The following WFIKKN1 variants were observed in gnomAD, a reference collection of about 807,000 sequenced individuals.
WFIKKN1 encodes the protein WAP, Kazal, immunoglobulin, Kunitz and NTR domain-containing protein 1.
A neutral mutation model predicts 4.6 loss-of-function variants in WFIKKN1; 6 were observed. That is an observed-to-expected ratio of 1.31 (90% confidence interval 0.72 to 2.59). WFIKKN1 has a LOEUF of 2.59. Among genes scored for constraint, WFIKKN1 ranks in the 30% most tolerant of loss-of-function variants. The pLI, the probability that WFIKKN1 is intolerant of heterozygous loss-of-function variation, is 0.00. For missense variants in WFIKKN1, 964 were observed against 818.0 expected (o/e 1.18, Z -2.18); for synonymous variants, 468 against 367.4 (o/e 1.27, Z -3.13).
Position 633,078 on chromosome 16 carries a change from G to A in WFIKKN1, c.668G>A (p.Ser223Asn), listed in dbSNP as rs145644880. The A allele has an allele frequency of 5.0e-6, 8 of 1,612,218 alleles. No individual in the cohort carries two copies. Among genetic ancestry groups the A allele is most frequent in the Non-Finnish European group, 6.8e-6 (8 of 1,179,590 alleles). Residue 223 changes from serine (S) to asparagine (N), a missense_variant, in exon 2 of 2, where the codon AGT becomes AAT. Coordinates refer to ENST00000319070, the MANE Select transcript of WFIKKN1 (RefSeq NM_053284.3). ...CCTGCTGTGACCTGGGAGAAGCAGA[G>A]TCACCAGCGAGAGAACCTGATCATG... The part of the protein sequence containing the change: ...PPPAVTWEKQ[S>N]HQRENLIMRP...
rs777949203 is a variant in WFIKKN1 at position 631,234 on chromosome 16, C to T, written c.-20C>T. 2 of 1,542,850 alleles carry T rather than the reference C, an allele frequency of 1.3e-6. No homozygotes were observed. Among genetic ancestry groups the T allele is most frequent in the Admixed American group, 1.9e-5 (1 of 52,548 alleles). ...GGGGCTGGTGGCCACACCCCCCGGC[C>T]CCCTGGCTCGGCGGCCCTCATGCCC... On this transcript the variant is annotated 5_prime_UTR_variant, in exon 1 of 2. Transcript: ENST00000319070.
Position 633,743 on chromosome 16 carries a change from C to T in WFIKKN1, c.1333C>T (p.Leu445=), listed in dbSNP as rs1359922359. ...CATCGTGGGGCGGCTCACGGAGGTG[C>T]TGGAGGAGCCCGAGGCCGCCGGCGG... ...FAIVGRLTEV[L]EEPEAAGGIA... Residue 445 remains leucine (L), a synonymous_variant, in exon 2 of 2, where the codon CTG becomes TTG. Coordinates refer to ENST00000319070, the MANE Select transcript of WFIKKN1 (RefSeq NM_053284.3). The T allele has an allele frequency of 1.9e-6, 3 of 1,591,356 alleles. No individual in the cohort carries two copies. The South Asian group carries it at 3.4e-5, about 18-fold the overall frequency.
chr16:632,416 G>A lies in WFIKKN1; in HGVS notation c.172-166G>A, dbSNP rs553746005. ...AGGTAAGCCAGGTGGCACCTCTGGCGAGGTGGCTCCTCACACAGGATGGAA... is the reference window on the plus strand; with the variant it reads ...AGGTAAGCCAGGTGGCACCTCTGGCAAGGTGGCTCCTCACACAGGATGGAA... On this transcript the variant is annotated intron_variant, in intron 1 of 1. Transcript: ENST00000319070. 1.9e-4 allele frequency: 150 copies of A among 787,942 alleles called. 2 individuals are homozygous for A. In the African/African-American group the frequency reaches 2.4e-3, roughly 13 times the overall value. 48.8% of individuals were successfully genotyped at this position (787,942 alleles called of 1,614,324 possible).
At chr16:631,805 TC>T (rs2036953859) in intron 1 of WFIKKN1, 2 of 43,804 alleles carry the variant, frequency 4.6e-5, no homozygotes, top group Non-Finnish European at 8.9e-5. Context: ...CCCATCCACT[TC>T]TTCCATCCTC....
Position 632,479 on chromosome 16 carries a change from G to A in WFIKKN1, c.172-103G>A, listed in dbSNP as rs369058335. ...CCCCGGGGAGGCAGCCACAGAGCGGGGGGCTCCCTGCTACCCCACCTGGGC... is the reference window on the plus strand; with the variant it reads ...CCCCGGGGAGGCAGCCACAGAGCGGAGGGCTCCCTGCTACCCCACCTGGGC... On this transcript the variant is annotated intron_variant, in intron 1 of 1. Transcript: ENST00000319070. 637 of 1,355,846 alleles carry A rather than the reference G, an allele frequency of 4.7e-4. 14 individuals carry two copies. The South Asian group carries it at 8.5e-3, about 18-fold the overall frequency. The allele number at this position is 1,355,846 out of a possible 1,614,324, so 84.0% of individuals were successfully genotyped here. A position where few individuals can be genotyped will look rare whatever the true frequency, so the allele number is the denominator to read the frequency against.
chr16:631,982 T>C, intron 1 of WFIKKN1: 1 of 133,878 alleles, frequency 7.5e-6, no homozygotes, highest in Non-Finnish European at 1.6e-5. Flanking sequence ...CGTCATTGCC[T>C]CTCCTTCCAT....
rs763791315 is a variant in WFIKKN1, at chr16:633,184, C to T, written c.774C>T (p.Ala258=). Residue 258 remains alanine (A), a synonymous_variant, in exon 2 of 2, where the codon GCC becomes GCT. Coordinates refer to ENST00000319070, the MANE Select transcript of WFIKKN1 (RefSeq NM_053284.3). ...TCTACAACGCGCGGCCCGAAGACGC[C>T]GGCCTGTACACCTGCACCGCGCGCA... ...LVLYNARPED[A]GLYTCTARNA... 35 of 1,595,042 alleles carry T rather than the reference C, an allele frequency of 2.2e-5. No homozygotes were observed. Among genetic ancestry groups the T allele is most frequent in the Admixed American group, 5.1e-5 (3 of 58,484 alleles).
At position 633,554 on chromosome 16, in the gene WFIKKN1, C is replaced by A; in HGVS notation, c.1144C>A (p.Gln382Lys). The A allele has an allele frequency of 6.5e-7, 1 of 1,545,408 alleles. No homozygotes were observed. The highest frequency in any genetic ancestry group is 1.2e-5 in the South Asian group (1 of 82,974). The part of the protein sequence containing the change: ...EPRWAYSPLL[Q>K]QCHPFVYGGC... ...GCGCTGGGCCTACAGCCCGCTGCTG[C>A]AGCAGTGCCATCCCTTCGTGTACGG... The change falls in exon 2 of 2, where the codon CAG becomes AAG. Residue 382 changes from glutamine (Q) to lysine (K), a missense_variant. By Grantham distance (53) the Gln-to-Lys change is moderately conservative. Coordinates refer to ENST00000319070, the MANE Select transcript of WFIKKN1 (RefSeq NM_053284.3).
Position 633,410 on chromosome 16 carries a change from T to C in WFIKKN1, c.1000T>C (p.Cys334Arg). The change falls in exon 2 of 2, where the codon TGT becomes CGT. Residue 334 changes from cysteine to arginine, a missense_variant. Cys to Arg is a radical substitution (Grantham distance 180). Coordinates refer to ENST00000319070, the MANE Select transcript of WFIKKN1 (RefSeq NM_053284.3). ...CTGCATGACCTTCCCGGCCCGTGGC[T>C]GTGATGGGGCGGCCCGCGGCTTTGA... ...GGCMTFPARG[C>R]DGAARGFETY... 6.4e-7 allele frequency: 1 copy of C among 1,554,664 alleles called. No homozygotes were observed. Among genetic ancestry groups the C allele is most frequent in the Non-Finnish European group, 8.6e-7 (1 of 1,159,360 alleles).
Position 631,408 on chromosome 16 carries a change from A to C in WFIKKN1, c.155A>C (p.Glu52Ala), listed in dbSNP as rs762630871. The change falls in exon 1 of 2, where the codon GAG becomes GCG. Residue 52 changes from glutamate (E) to alanine (A), a missense_variant. By Grantham distance (107) the Glu-to-Ala change is moderately radical. Coordinates refer to ENST00000319070, the MANE Select transcript of WFIKKN1 (RefSeq NM_053284.3). The part of the protein sequence containing the change: ...WVDAQSTCER[E>A]CSRDQDCAAA... ...GACGCCCAGAGCACCTGTGAGCGCG[A>C]GTGTAGCAGGGACCAGGTGAGTGTG... is the stretch of plus-strand genomic sequence containing the variant. The C allele has an allele frequency of 1.1e-5, 18 of 1,608,492 alleles. No individual in the cohort carries two copies. Among genetic ancestry groups the C allele is most frequent in the Non-Finnish European group, 1.5e-5 (18 of 1,179,010 alleles).
In WFIKKN1 at chr16:633,540, A is replaced by C; in HGVS notation, c.1130A>C (p.Tyr377Ser). ...PCRGWEPRWA[Y>S]SPLLQQCHPF... ...CGGGGCTGGGAGCCGCGCTGGGCCT[A>C]CAGCCCGCTGCTGCAGCAGTGCCAT... The change falls in exon 2 of 2, where the codon TAC (tyrosine) becomes TCC (serine). Residue 377 changes from tyrosine to serine, a missense_variant. Physicochemically the swap from Tyr to Ser is moderately radical, Grantham distance 144 (BLOSUM62 -2). Coordinates refer to ENST00000319070, the MANE Select transcript of WFIKKN1 (RefSeq NM_053284.3). 6.5e-7 allele frequency: 1 copy of C among 1,529,874 alleles called. No homozygotes were observed. Among genetic ancestry groups the C allele is most frequent in the Non-Finnish European group, 8.7e-7 (1 of 1,147,238 alleles). 94.8% of individuals were successfully genotyped at this position (1,529,874 alleles called of 1,614,324 possible). A position where few individuals can be genotyped will look rare whatever the true frequency, so the allele number is the denominator to read the frequency against.
At position 633,799 on chromosome 16, in the gene WFIKKN1, C is replaced by T. The variant is rs1029790108; in HGVS notation, c.1389C>T (p.Leu463=). ...GIARVALEDV[L]KDDKMGLKFL... ...CCCGCGTGGCGCTCGAGGACGTGCT[C>T]AAGGATGACAAGATGGGCCTCAAGT... Residue 463 remains leucine, a synonymous_variant, in exon 2 of 2, where the codon CTC becomes CTT. Coordinates refer to ENST00000319070, the MANE Select transcript of WFIKKN1 (RefSeq NM_053284.3). The T allele has an allele frequency of 3.7e-6, 6 of 1,602,692 alleles. No individual in the cohort carries two copies.
intron 1 of WFIKKN1, 116 bp from the exon 2 acceptor site, chr16:632,466 A>T: frequency 7.8e-7 from 1 of 1,286,196 alleles, no homozygotes; most frequent in South Asian, 2.0e-5. Context: ...CCGGGGAGGC[A>T]GCCACAGAGC....
chr16:633,886 C>T lies in WFIKKN1; in HGVS notation c.1476C>T (p.Pro492=). The change falls in exon 2 of 2, where the codon CCC becomes CCT. Residue 492 remains proline, a synonymous_variant. Transcript: ENST00000319070. ...GCATGGACTGGGCCTGCCCCTGCCC[C>T]AACATGACGGCGGGCGACGGGCCGC... is the stretch of plus-strand genomic sequence containing the variant. ...LSGMDWACPC[P]NMTAGDGPLV... 1 of 1,596,294 alleles carries T rather than the reference C, an allele frequency of 6.3e-7. No homozygotes were observed. Among genetic ancestry groups the T allele is most frequent in the Non-Finnish European group, 8.5e-7 (1 of 1,172,172 alleles).
In WFIKKN1 at chr16:632,763, A is replaced by C. The variant is rs1205241348; in HGVS notation, c.353A>C (p.Asp118Ala). 1 of 1,608,104 alleles carries C rather than the reference A, an allele frequency of 6.2e-7. No homozygotes were observed. The change falls in exon 2 of 2, where the codon GAC (aspartate) becomes GCC (alanine). Residue 118 changes from aspartate to alanine, a missense_variant. Physicochemically the swap from Asp to Ala is moderately radical, Grantham distance 126 (BLOSUM62 -2). Coordinates refer to ENST00000319070, the MANE Select transcript of WFIKKN1 (RefSeq NM_053284.3). ...WDGQPVCRCR[D>A]RCEKEPSFTC... Reference sequence around the variant, plus strand: ...GGGCAGCCCGTGTGCCGCTGCCGCGACCGCTGTGAGAAGGAGCCCAGCTTC... The same window carrying C: ...GGGCAGCCCGTGTGCCGCTGCCGCGCCCGCTGTGAGAAGGAGCCCAGCTTC...
chr16:633,046 C>T lies in WFIKKN1; in HGVS notation c.636C>T (p.Arg212=). The T allele has an allele frequency of 1.2e-6, 2 of 1,611,666 alleles. No individual in the cohort carries two copies. Among genetic ancestry groups the T allele is most frequent in the Non-Finnish European group, 1.7e-6 (2 of 1,179,356 alleles). ...GCCTCCACTGCGACGTCAGCGGCCG[C>T]CCGCCGCCTGCTGTGACCTGGGAGA... ...TASLHCDVSG[R]PPPAVTWEKQ... is the part of the protein sequence containing the mutation. The change falls in exon 2 of 2, where the codon CGC becomes CGT. Residue 212 remains arginine (R), a synonymous_variant. Coordinates refer to ENST00000319070, the MANE Select transcript of WFIKKN1 (RefSeq NM_053284.3).
Position 632,998 on chromosome 16 carries a change from G to A in WFIKKN1, c.588G>A (p.Ala196=), listed in dbSNP as rs371584299. The change falls in exon 2 of 2, where the codon GCG becomes GCA. Residue 196 remains alanine (A), a synonymous_variant. Transcript: ENST00000319070. ...PALYSSPSPQ[A]VQVGGTASLH... ...TGTACAGCAGCCCCTCCCCACAGGC[G>A]GTGCAGGTTGGGGGTACGGCCAGCC... 24 of 1,600,466 alleles carry A rather than the reference G, an allele frequency of 1.5e-5. No homozygotes were observed. The highest frequency in any genetic ancestry group is 1.3e-4 in the Admixed American group (8 of 59,270).
Position 633,246 on chromosome 16 carries a change from CTG to C in WFIKKN1, c.839_840del (p.Val280GlyfsTer55). 2 of 1,587,570 alleles carry C rather than the reference CTG, an allele frequency of 1.3e-6. No individual in the cohort carries two copies. Among genetic ancestry groups the C allele is most frequent in the Non-Finnish European group, 1.7e-6 (2 of 1,169,050 alleles). The stretch of plus-strand genomic sequence containing the variant: ...CTGCTGCGGGCTGACTTCCCACTCT[CTG>C]TGGTCCAGCGAGAGCCGGCCAGGGA... On this transcript the variant is annotated frameshift_variant, in exon 2 of 2. Transcript: ENST00000319070. LOFTEE classifies it low-confidence loss of function (END_TRUNC).
chr16:633,478 C>A lies in WFIKKN1; in HGVS notation c.1068C>A (p.Gly356=), dbSNP rs748154695. 9 of 1,519,558 alleles carry A rather than the reference C, an allele frequency of 5.9e-6. No individual in the cohort carries two copies. The highest frequency in any genetic ancestry group is 2.5e-5 in the East Asian group (1 of 39,492). The allele number at this position is 1,519,558 out of a possible 1,614,324, so 94.1% of individuals were successfully genotyped here. Residue 356 remains glycine, a synonymous_variant, in exon 2 of 2, where the codon GGC becomes GGA. Coordinates refer to ENST00000319070, the MANE Select transcript of WFIKKN1 (RefSeq NM_053284.3). The part of the protein sequence containing the change: ...ACQQACARGP[G]DACVLPAVQG... ...AGCAGGCCTGTGCCCGCGGCCCCGG[C>A]GACGCCTGCGTGCTGCCTGCCGTGC...
Sources: allele counts gnomAD v4.1 joint callset, GRCh38; gene constraint gnomAD v4.1.1; transcripts MANE v1.5; gene names NCBI Gene and HGNC (gene_info 2026-07-23, HGNC 2026-07-21).